The following CDC23 variants were observed in gnomAD, a reference collection of about 807,000 sequenced individuals.
CDC23 encodes cell division cycle 23.
In CDC23, 26 loss-of-function variants were observed where a neutral mutation model predicts 81.7. The observed-to-expected ratio is 0.32, with a 90% CI of 0.23 to 0.44. CDC23 has a LOEUF of 0.44. Ranked by LOEUF, CDC23 falls within the 20% of genes least tolerant of loss-of-function variation. The pLI is 1.00. For synonymous variants in CDC23, 267 were observed against 270.8 expected (o/e 0.99, Z 0.14); for missense variants, 519 against 728.0 (o/e 0.71, Z 3.30).
rs1418470678 is a variant in CDC23, at chr5:138,187,894, TA to T, written c.*1083del. 6.3e-6 allele frequency: 1 copy of T among 158,970 alleles called. No homozygotes were observed. The highest frequency in any genetic ancestry group is 1.4e-5 in the Non-Finnish European group (1 of 71,768). The allele number at this position is 158,970 out of a possible 1,614,324, so 9.8% of individuals were successfully genotyped here. A position where few individuals can be genotyped will look rare whatever the true frequency, so the allele number is the denominator to read the frequency against. On this transcript the variant is annotated 3_prime_UTR_variant, in exon 16 of 16. Transcript: ENST00000394886. Reference sequence around the variant, plus strand: ...AGATGAAGTGTCATATGTTAGGAGGTAAAAACGTAACACAAAATTCTGGGAA... The same window carrying T: ...AGATGAAGTGTCATATGTTAGGAGGTAAAACGTAACACAAAATTCTGGGAA...
At chr5:138,196,233 G>A (rs1024750219) in intron 9 of CDC23, among the ~76,000 whole-genome samples, 4 of 151,104 alleles carry the variant, frequency 2.6e-5, no homozygotes, top group African/African-American at 4.9e-5. Flanking sequence ...AGTTCACCTC[G>A]AATGATTATT....
At chr5:138,202,275 C>G (rs1754998103) in intron 3 of CDC23, 120 bp from the exon 4 acceptor site, 2 of 663,738 alleles carry the variant, frequency 3.0e-6, no homozygotes, top group Admixed American at 6.2e-5. Flanking sequence ...GACTTTTGGT[C>G]ATTATTTATT....
In CDC23 at chr5:138,189,024, G is replaced by A. The variant is rs1214930262; in HGVS notation, c.1748C>T (p.Pro583Leu). ...GTTGAGTGGAGAAACTCTGCGTGTG[G>A]GGGTATTGTTAGCAGAGAGTGAAGC... Reference protein sequence around the residue: ...LPASLSANNTPTRRVSPLNLS... With the variant: ...LPASLSANNTLTRRVSPLNLS... Residue 583 changes from proline to leucine, a missense_variant, in exon 16 of 16, where the codon CCC becomes CTC. By Grantham distance (98) the Pro-to-Leu change is moderately conservative. This residue lies in a region of CDC23 where 38 missense variants were observed against 34.7 expected (regional missense o/e 1.10). Coordinates refer to ENST00000394886, the MANE Select transcript of CDC23 (RefSeq NM_004661.4). The A allele has an allele frequency of 1.1e-5, 18 of 1,613,994 alleles. No homozygotes were observed. Among genetic ancestry groups the A allele is most frequent in the Non-Finnish European group, 1.4e-5 (16 of 1,179,990 alleles).
Position 138,201,400 on chromosome 5 carries a change from C to T in CDC23, c.464G>A (p.Arg155Lys). 1 of 1,614,142 alleles carries T rather than the reference C, an allele frequency of 6.2e-7. No individual in the cohort carries two copies. The highest frequency in any genetic ancestry group is 8.5e-7 in the Non-Finnish European group (1 of 1,180,002). The change falls in exon 5 of 16, where the codon AGA becomes AAA. Residue 155 changes from arginine to lysine, a missense_variant. Transcript: ENST00000394886. ...QVKNEALREL[R>K]VELSKKHQAR... ...TTGGTGTTTTTTGCTGAGCTCCACT[C>T]TCAATTCTCTAAGCGCCTCATTTTT...
At chr5:138,211,641 C>G (rs1328745490) in intron 2 of CDC23, among the ~76,000 whole-genome samples, 5 of 145,530 alleles carry the variant, frequency 3.4e-5, no homozygotes, top group Admixed American at 1.4e-4. Context: ...GCCTGGGCAA[C>G]AAGAGCAAGA....
At position 138,192,614 on chromosome 5, in the gene CDC23, T is replaced by C; in HGVS notation, c.1056A>G (p.Leu352=). ...TTAATTTCAGGGCTCTCTGGAAATA[T>C]AAGGCTGCTTTCTCATGCTGAGAAC... The part of the protein sequence containing the change: ...SLRSQHEKAA[L]YFQRALKLNP... Residue 352 remains leucine, a synonymous_variant, in exon 10 of 16, where the codon TTA becomes TTG. Coordinates refer to ENST00000394886, the MANE Select transcript of CDC23 (RefSeq NM_004661.4). 12 of 1,614,106 alleles carry C rather than the reference T, an allele frequency of 7.4e-6. No individual in the cohort carries two copies. Among genetic ancestry groups the C allele is most frequent in the African/African-American group, 1.3e-5 (1 of 75,054 alleles).
chr5:138,200,905 T>C (rs1197450242), intron 6 of CDC23: 1 of 558,696 alleles, frequency 1.8e-6, no homozygotes, highest in Non-Finnish European at 3.1e-6. Flanking sequence ...TGGATACAAA[T>C]CCAACAGCAA....
intron 2 of CDC23, 48 bp downstream of exon 2, chr5:138,212,943 G>C (rs1561639115): frequency 6.5e-7 from 1 of 1,532,526 alleles, no homozygotes; most frequent in Admixed American, 1.7e-5. Context: ...GGCTCTTGAG[G>C]CACACCCCTG....
chr5:138,189,250 G>T, intron 15 of CDC23, 102 bp from the exon 16 acceptor site: 3 of 1,131,900 alleles, frequency 2.7e-6, no homozygotes, highest in Non-Finnish European at 2.5e-6. Flanking sequence ...CAAGGAGGCG[G>T]GAGGCTTGCT....
In CDC23 at chr5:138,189,678, CCA is replaced by C; in HGVS notation, c.1576_1577del (p.Trp526GlyfsTer2). Reference protein sequence around the residue: ...LAQYYFKCKLWDEASTCAQKC... With the variant: ...LAQYYFKCKLXDEASTCAQKC... ...TTTGTGCACAAGTTGAAGCTTCATCCCACAGTTTGCACTTAAAATAGTACTGG... is the reference window on the plus strand; with the variant it reads ...TTTGTGCACAAGTTGAAGCTTCATCCCAGTTTGCACTTAAAATAGTACTGG... On this transcript the variant is annotated frameshift_variant, in exon 15 of 16. Transcript: ENST00000394886. LOFTEE classifies it high-confidence loss of function. The C allele has an allele frequency of 6.2e-7, 1 of 1,613,952 alleles. No homozygotes were observed. The highest frequency in any genetic ancestry group is 8.5e-7 in the Non-Finnish European group (1 of 1,179,864).
At chr5:138,202,470 G>A (rs1395497587) in intron 3 of CDC23, among the ~76,000 whole-genome samples, 1 of 152,072 alleles carries the variant, frequency 6.6e-6, no homozygotes, top group Non-Finnish European at 1.5e-5. Flanking sequence ...TTTTAGTTGC[G>A]ACGAGGTTTC....
chr5:138,199,450 G>A (rs1218709647), intron 6 of CDC23, among the ~76,000 whole-genome samples: 2 of 152,070 alleles, frequency 1.3e-5, no homozygotes, highest in Non-Finnish European at 2.9e-5. Context: ...AAAAGAGAAA[G>A]AAATAGTTTG....
Position 138,188,698 on chromosome 5 carries a change from C to G in CDC23, c.*280G>C. The stretch of plus-strand genomic sequence containing the variant: ...GCTATAAAAGGGACTTTCTTGGGGG[C>G]CAAAAAAAAAAAGCATTCAGGGAAG... On this transcript the variant is annotated 3_prime_UTR_variant, in exon 16 of 16. Transcript: ENST00000394886. The G allele has an allele frequency of 3.9e-6, 1 of 253,328 alleles. No individual in the cohort carries two copies. The highest frequency in any genetic ancestry group is 7.4e-6 in the Non-Finnish European group (1 of 134,340). The allele number at this position is 253,328 out of a possible 1,614,324, so 15.7% of individuals were successfully genotyped here.
At chr5:138,191,222 C>G (rs928380106) in intron 13 of CDC23, among the ~76,000 whole-genome samples, 1 of 152,116 alleles carries the variant, frequency 6.6e-6, no homozygotes, top group Non-Finnish European at 1.5e-5. Flanking sequence ...TCTTGAACTC[C>G]TGACCTCAGG....
At position 138,192,277 on chromosome 5, in the gene CDC23, G is replaced by C; in HGVS notation, c.1278C>G (p.His426Gln). Residue 426 changes from histidine to glutamine, a missense_variant, in exon 11 of 16, where the codon CAC (histidine) becomes CAG (glutamine). This residue lies in a region of CDC23 where 175 missense variants were observed against 337.8 expected (regional missense o/e 0.52). Transcript: ENST00000394886. The stretch of plus-strand genomic sequence containing the variant: ...CAAGTGACCAGGCTTACCGAAGCTG[G>C]TGGGCCCGTCTATAATAATAAAGGC... ...FYCLYYYRRA[H>Q]QLRPNDSRML... The C allele has an allele frequency of 6.2e-7, 1 of 1,614,134 alleles. No individual in the cohort carries two copies. Among genetic ancestry groups the C allele is most frequent in the Non-Finnish European group, 8.5e-7 (1 of 1,180,028 alleles).
intron 9 of CDC23, among the ~76,000 whole-genome samples, chr5:138,193,333 C>A (rs1220244660): frequency 6.6e-6 from 1 of 152,128 alleles, no homozygotes; most frequent in South Asian, 2.1e-4. Context: ...TGGTGACTCA[C>A]GCCTGTAATC....
chr5:138,194,435 T>C (rs1407548299), intron 9 of CDC23, among the ~76,000 whole-genome samples: 1 of 151,992 alleles, frequency 6.6e-6, no homozygotes, highest in Non-Finnish European at 1.5e-5. Context: ...AAAAGCTAAC[T>C]GAAAGAAGCC....
At chr5:138,206,878 CTTTTTTTTTT>C (rs905919467) in intron 2 of CDC23, among the ~76,000 whole-genome samples, 194 bp from the exon 3 acceptor site, 1 of 131,040 alleles carries the variant, frequency 7.6e-6, no homozygotes, top group African/African-American at 2.9e-5. Context: ...CCATAGAACT[CTTTTTTTTTT>C]TTTTTTTTTG....
chr5:138,195,591 ATATATATT>A (rs1178376843), intron 9 of CDC23, among the ~76,000 whole-genome samples: 2 of 57,806 alleles, frequency 3.5e-5, no homozygotes, highest in South Asian at 6.6e-4. Flanking sequence ...ATTATATATA[ATATATATT>A]ATATATGATA....
Sources: gnomAD v4.1 joint callset for allele counts (sites outside exome capture counted in the v4.1 genomes callset) on GRCh38, gnomAD v4.1.1 for gene constraint, gnomAD v4.1.1 regional missense constraint, MANE v1.5 for transcripts, NCBI Gene and HGNC (gene_info 2026-07-23, HGNC 2026-07-21) for gene names.